Variants in MS4A14 observed in about 807,000 individuals in gnomAD.
MS4A14 encodes the protein membrane-spanning 4-domains subfamily A member 14.
Under a neutral mutation model 16.7 loss-of-function variants are expected in MS4A14, and 18 were observed. The ratio of observed to expected loss-of-function variants is 1.08; its 90% CI spans 0.75 to 1.60. The LOEUF (loss-of-function observed/expected upper bound fraction) is 1.60. Among genes scored for constraint, MS4A14 ranks in the 40% most tolerant of loss-of-function variants. The pLI is 0.00. For missense variants in MS4A14, 812 were observed against 775.3 expected (o/e 1.05, Z -0.56); for synonymous variants, 305 against 289.4 (o/e 1.05, Z -0.55).
intron 4 of MS4A14, among the ~76,000 whole-genome samples, chr11:60,406,692 C>T (rs569172743): frequency 9.9e-5 from 15 of 152,172 alleles, no homozygotes; most frequent in Admixed American, 9.2e-4. Context: ...TTTACATCAA[C>T]TTTATAGAAG....
At chr11:60,414,051 C>T (rs1266531412) in intron 4 of MS4A14, among the ~76,000 whole-genome samples, 4 of 152,096 alleles carry the variant, frequency 2.6e-5, no homozygotes, top group Non-Finnish European at 4.4e-5. Flanking sequence ...GGATGTCATA[C>T]CAATTTTTGT....
chr11:60,417,087 T>C lies in MS4A14; in HGVS notation c.*79T>C. On this transcript the variant is annotated 3_prime_UTR_variant, in exon 5 of 5. Transcript: ENST00000300187. The stretch of plus-strand genomic sequence containing the variant: ...AAGCACTGGCAAACACAGGATCTAT[T>C]AGAGAAAGAAGCCCTAAAGCAGAAA... 1 of 1,507,636 alleles carries C rather than the reference T, an allele frequency of 6.6e-7. No individual in the cohort carries two copies. 93.4% of individuals were successfully genotyped at this position (1,507,636 alleles called of 1,614,324 possible). A position where few individuals can be genotyped will look rare whatever the true frequency, so the allele number is the denominator to read the frequency against.
rs2085929360 is a variant in MS4A14 at position 60,415,692 on chromosome 11, A to G, written c.724A>G (p.Lys242Glu). The part of the protein sequence containing the change: ...EQKQSILPSP[K>E]FSEEEIEPLP... ...AAAGCAAAGTATCCTTCCATCTCCC[A>G]AATTTTCAGAGGAAGAAATTGAACC... The change falls in exon 5 of 5, where the codon AAA (lysine) becomes GAA (glutamate). Residue 242 changes from lysine (K) to glutamate (E), a missense_variant. Transcript: ENST00000300187. 2.5e-6 allele frequency: 4 copies of G among 1,613,796 alleles called. No homozygotes were observed. The highest frequency in any genetic ancestry group is 1.3e-5 in the African/African-American group (1 of 74,884).
In MS4A14 at chr11:60,397,033, C is replaced by G. The variant is rs75137288; in HGVS notation, c.138+317C>G. On this transcript the variant is annotated intron_variant, in intron 1 of 4. Transcript: ENST00000300187. ...GCTCTTAAAGGAATTGGGAGTGCTT[C>G]AAAACCCATATTCAAAGCTCCACAG... is the stretch of plus-strand genomic sequence containing the variant. Among the ~76,000 whole-genome samples, 805 of 152,266 alleles carry G rather than the reference C, an allele frequency of 5.3e-3. 6 individuals carry two copies. The highest frequency in any genetic ancestry group is 0.022 in the South Asian group (106 of 4,832).
rs148216317 is a variant in MS4A14 at position 60,409,579 on chromosome 11, T to TTATA, written c.469-5846_469-5843dup. Among the ~76,000 whole-genome samples, 543 of 148,094 alleles carry TTATA rather than the reference T, an allele frequency of 3.7e-3. 11 individuals carry two copies. In the East Asian group the frequency reaches 0.055, roughly 15 times the overall value. On this transcript the variant is annotated intron_variant, in intron 4 of 4. Transcript: ENST00000300187. ...ATATATGTAATATATAATGTATATTTTATATATATATATATTACATTTTCT... is the reference window on the plus strand; with the variant it reads ...ATATATGTAATATATAATGTATATTTTATATATATATATATATATTACATTTTCT...
chr11:60,400,292 CG>C (rs1272919149), intron 2 of MS4A14, 111 bp from the exon 3 acceptor site: 8 of 628,856 alleles, frequency 1.3e-5, no homozygotes, highest in Non-Finnish European at 1.9e-5. Flanking sequence ...GGTGGAAAAA[CG>C]GGATGGTCTT....
chr11:60,408,983 G>A (rs1462077803), intron 4 of MS4A14, among the ~76,000 whole-genome samples: 1 of 152,048 alleles, frequency 6.6e-6, no homozygotes, highest in Non-Finnish European at 1.5e-5. Context: ...GGGAAAAGGG[G>A]GAGTAATTAT....
rs756558750 is a variant in MS4A14 at position 60,416,765 on chromosome 11, G to A, written c.1797G>A (p.Lys599=). 7 of 1,613,430 alleles carry A rather than the reference G, an allele frequency of 4.3e-6. No homozygotes were observed. Among genetic ancestry groups the A allele is most frequent in the Non-Finnish European group, 5.9e-6 (7 of 1,179,806 alleles). The change falls in exon 5 of 5, where the codon AAG becomes AAA. Residue 599 remains lysine (K), a synonymous_variant. Coordinates refer to ENST00000300187, the MANE Select transcript of MS4A14 (RefSeq NM_032597.5). ...CTGATAAGGAGCAAAACTCAAAGAA[G>A]CAAACCCAGGATCAGCAAACTGAAG... is the stretch of plus-strand genomic sequence containing the variant. ...QQTDKEQNSK[K]QTQDQQTEDQ...
At position 60,415,679 on chromosome 11, in the gene MS4A14, C is replaced by T. The variant is rs761804117; in HGVS notation, c.711C>T (p.Ile237=). The change falls in exon 5 of 5, where the codon ATC becomes ATT. Residue 237 remains isoleucine (I), a synonymous_variant. Transcript: ENST00000300187. The part of the protein sequence containing the change: ...EFVPDEQKQS[I]LPSPKFSEEE... The stretch of plus-strand genomic sequence containing the variant: ...TGCCAGATGAACAAAAGCAAAGTAT[C>T]CTTCCATCTCCCAAATTTTCAGAGG... 5 of 1,613,830 alleles carry T rather than the reference C, an allele frequency of 3.1e-6. No homozygotes were observed. Among genetic ancestry groups the T allele is most frequent in the South Asian group, 2.2e-5 (2 of 91,076 alleles).
intron 4 of MS4A14, among the ~76,000 whole-genome samples, chr11:60,412,434 TTTC>T (rs1243527556): frequency 6.6e-6 from 1 of 151,984 alleles, no homozygotes; most frequent in Non-Finnish European, 1.5e-5. Context: ...AGATTTTCTA[TTTC>T]TTCTTGAATC....
intron 1 of MS4A14, among the ~76,000 whole-genome samples, chr11:60,397,492 A>G (rs1009032237): frequency 1.3e-5 from 2 of 152,340 alleles, no homozygotes; most frequent in East Asian, 3.9e-4. Flanking sequence ...AGACAGACGA[A>G]AAAACAAATG....
At chr11:60,400,606 T>G (rs2085698982) in intron 3 of MS4A14, 152 bp downstream of exon 3, 1 of 531,934 alleles carries the variant, frequency 1.9e-6, no homozygotes, top group East Asian at 2.9e-5. Flanking sequence ...AGTGCCACTG[T>G]TTGCCTGACA....
intron 3 of MS4A14, among the ~76,000 whole-genome samples, chr11:60,402,420 C>T (rs1261392035): frequency 6.6e-6 from 1 of 152,140 alleles, no homozygotes. Flanking sequence ...GCAGTACTCA[C>T]ATGTATCTGG....
intron 4 of MS4A14, among the ~76,000 whole-genome samples, chr11:60,403,389 C>T (rs548319181): frequency 1.3e-5 from 2 of 152,210 alleles, no homozygotes; most frequent in African/African-American, 4.8e-5. Flanking sequence ...GTACCTTGCA[C>T]AGTTAAATAG....
chr11:60,411,720 C>T (rs868682705), intron 4 of MS4A14, among the ~76,000 whole-genome samples: 8 of 151,940 alleles, frequency 5.3e-5, no homozygotes, highest in African/African-American at 1.7e-4. Flanking sequence ...ATACAGATGG[C>T]CTTAATCTCC....
At chr11:60,409,097 A>G (rs575237638) in intron 4 of MS4A14, among the ~76,000 whole-genome samples, 1 of 152,346 alleles carries the variant, frequency 6.6e-6, no homozygotes, top group East Asian at 1.9e-4. Context: ...CTAATGATCA[A>G]ATCATGGTAA....
chr11:60,403,721 A>G (rs1263279085), intron 4 of MS4A14, among the ~76,000 whole-genome samples: 2 of 152,200 alleles, frequency 1.3e-5, no homozygotes, highest in Non-Finnish European at 2.9e-5. Flanking sequence ...CAGTGACTCC[A>G]ATAGGCCTTT....
intron 4 of MS4A14, chr11:60,406,000 G>A: frequency 1.4e-6 from 2 of 1,464,422 alleles, no homozygotes; most frequent in Non-Finnish European, 1.8e-6. Context: ...GTGTTCTGAT[G>A]TCTCTTAATA....
chr11:60,396,846 T>C lies in MS4A14; in HGVS notation c.138+130T>C, dbSNP rs1450435090. The C allele has an allele frequency of 1.3e-5, 12 of 947,138 alleles. No homozygotes were observed. The East Asian group carries it at 3.2e-4, about 25-fold the overall frequency. The allele number at this position is 947,138 out of a possible 1,614,324, so 58.7% of individuals were successfully genotyped here. ...TAATTCTACTTTTCCCCCTTCACCT[T>C]ACATGAGAAATTAGTACTGATCTTT... On this transcript the variant is annotated intron_variant, in intron 1 of 4. Transcript: ENST00000300187.
Sources: gnomAD v4.1 joint callset for allele counts (sites outside exome capture counted in the v4.1 genomes callset) on GRCh38, gnomAD v4.1.1 for gene constraint, MANE v1.5 for transcripts, NCBI Gene and HGNC (gene_info 2026-07-23, HGNC 2026-07-21) for gene names.